GLT1D1: variants seen among roughly 807,000 people sequenced by gnomAD.
The protein encoded by GLT1D1 is glycosyltransferase 1 domain-containing protein 1.
In GLT1D1, 21 loss-of-function variants were observed where a neutral mutation model predicts 28.7. The observed-to-expected ratio is 0.73, with a 90% CI of 0.52 to 1.05. GLT1D1 has a LOEUF of 1.05. Among genes scored for constraint, GLT1D1 ranks in the 50% least tolerant of loss-of-function variants. The pLI, the probability that GLT1D1 is intolerant of heterozygous loss-of-function variation, is 0.00. For missense variants in GLT1D1, 343 were observed against 330.6 expected (o/e 1.04, Z -0.29); for synonymous variants, 147 against 124.8 (o/e 1.18, Z -1.19).
chr12:128,928,912 G>A (rs997630355), intron 4 of GLT1D1, among the ~76,000 whole-genome samples: 6 of 152,048 alleles, frequency 3.9e-5, no homozygotes, highest in South Asian at 2.1e-4. Flanking sequence ...ATGAGCCACC[G>A]CACCCGGCCT....
At chr12:128,950,606 G>C (rs1213898828) in intron 6 of GLT1D1, among the ~76,000 whole-genome samples, 3 of 151,660 alleles carry the variant, frequency 2.0e-5, no homozygotes, top group Admixed American at 1.3e-4. Context: ...AGGTGATGGT[G>C]CCCCCCCCTC....
chr12:128,886,546 C>T (rs757805787), intron 2 of GLT1D1, among the ~76,000 whole-genome samples: 1 of 152,120 alleles, frequency 6.6e-6, no homozygotes, highest in East Asian at 1.9e-4. Context: ...TGGGGAGAAT[C>T]TGTTTTCTTG....
intron 7 of GLT1D1, among the ~76,000 whole-genome samples, chr12:128,966,684 G>A (rs368524375): frequency 2.0e-5 from 3 of 152,182 alleles, no homozygotes; most frequent in African/African-American, 2.4e-5. Context: ...ACAGGGTCCC[G>A]GGGTGGGGGT....
intron 4 of GLT1D1, among the ~76,000 whole-genome samples, chr12:128,918,544 A>G (rs560700626): frequency 9.9e-5 from 15 of 152,250 alleles, no homozygotes; most frequent in Admixed American, 6.5e-5. Flanking sequence ...TGTCAGTATT[A>G]AGTTCTATTG....
At chr12:128,875,053 A>G (rs1167704427) in intron 1 of GLT1D1, among the ~76,000 whole-genome samples, 6 of 119,774 alleles carry the variant, frequency 5.0e-5, no homozygotes, top group African/African-American at 2.1e-4. Flanking sequence ...AGACATAAAT[A>G]TTGTGTGTGT....
chr12:128,864,418 G>A (rs1389774763), intron 1 of GLT1D1, among the ~76,000 whole-genome samples: 3 of 152,020 alleles, frequency 2.0e-5, no homozygotes, highest in Non-Finnish European at 4.4e-5. Context: ...GCTGGTTAGC[G>A]AGGCTGGATG....
chr12:128,956,215 A>T (rs940763605), intron 6 of GLT1D1, among the ~76,000 whole-genome samples: 8 of 151,028 alleles, frequency 5.3e-5, no homozygotes, highest in Non-Finnish European at 1.2e-4. Flanking sequence ...TGAGTTAAAA[A>T]TGCGTTAAAT....
At chr12:128,915,674 C>G (rs916293604) in intron 4 of GLT1D1, among the ~76,000 whole-genome samples, 1 of 152,042 alleles carries the variant, frequency 6.6e-6, no homozygotes. Flanking sequence ...AAAAATGCAA[C>G]AAAAATTTTA....
intron 4 of GLT1D1, among the ~76,000 whole-genome samples, chr12:128,908,013 C>T (rs147976924): frequency 2.0e-5 from 3 of 152,216 alleles, no homozygotes; most frequent in African/African-American, 7.2e-5. Flanking sequence ...CTTGAGTCGC[C>T]CCAGTAGATG....
rs561857162 is a variant in GLT1D1 at position 128,981,188 on chromosome 12, T to C, written c.640-1741T>C. 3.2e-4 allele frequency among the ~76,000 whole-genome samples: 48 copies of C among 152,314 alleles called. 1 individual carries two copies. The South Asian group carries it at 9.9e-3, about 32-fold the overall frequency. The stretch of plus-strand genomic sequence containing the variant: ...GCTTACTCATAACCCCCCTCTCTCT[T>C]GCTTTATTTAAGTCTATGTTTTTTC... On this transcript the variant is annotated intron_variant, in intron 7 of 7. Coordinates refer to ENST00000281703, the MANE Select transcript of GLT1D1 (RefSeq NM_144669.3).
At chr12:128,957,433 G>A (rs1877415528) in intron 6 of GLT1D1, 112 bp from the exon 11 acceptor site, 2 of 650,804 alleles carry the variant, frequency 3.1e-6, no homozygotes, top group Non-Finnish European at 5.6e-6. Flanking sequence ...TTTTTGTGAG[G>A]TGCCAGAGGT....
chr12:128,952,980 C>T (rs564412036), intron 6 of GLT1D1, among the ~76,000 whole-genome samples: 2 of 152,092 alleles, frequency 1.3e-5, no homozygotes, highest in Admixed American at 1.3e-4. Context: ...CTGGGTTTCA[C>T]CATGTTGGCC....
At chr12:128,875,134 T>A (rs1956842117) in intron 1 of GLT1D1, among the ~76,000 whole-genome samples, 1 of 151,906 alleles carries the variant, frequency 6.6e-6, no homozygotes, top group Non-Finnish European at 1.5e-5. Flanking sequence ...TTTTTGAAGC[T>A]ATGATAATAG....
intron 1 of GLT1D1, among the ~76,000 whole-genome samples, chr12:128,875,404 C>T (rs60851322): frequency 0.11 from 16,546 of 152,154 alleles, 1,259 homozygotes; most frequent in African/African-American, 0.22. Flanking sequence ...AGATGAATGG[C>T]TAATGTCATT....
At chr12:128,955,317 TTC>T (rs775945355) in intron 6 of GLT1D1, among the ~76,000 whole-genome samples, 19 of 117,498 alleles carry the variant, frequency 1.6e-4, no homozygotes, top group Non-Finnish European at 3.3e-4. Context: ...TACAGTCTCT[TTC>T]TCTCTCTTTT....
At chr12:128,903,449 G>A (rs530573152) in intron 4 of GLT1D1, among the ~76,000 whole-genome samples, 2 of 151,882 alleles carry the variant, frequency 1.3e-5, no homozygotes, top group South Asian at 4.2e-4. Context: ...CATAATGAGA[G>A]GATCTTTAAT....
chr12:128,928,296 CTGGTGGCCGTGACTA>C (rs1318731899), intron 4 of GLT1D1, among the ~76,000 whole-genome samples: 2 of 152,036 alleles, frequency 1.3e-5, no homozygotes, highest in African/African-American at 4.8e-5. Flanking sequence ...GGGAGACGTT[CTGGTGGCCGTGACTA>C]TGGTGGCCGT....
intron 2 of GLT1D1, among the ~76,000 whole-genome samples, chr12:128,888,309 G>A (rs1211467809): frequency 6.6e-6 from 1 of 152,124 alleles, no homozygotes; most frequent in African/African-American, 2.4e-5. Context: ...TTTGATGATG[G>A]CAGATTAGCC....
rs1418735746 is a variant in GLT1D1 at position 128,977,071 on chromosome 12, G to A, written c.640-5858G>A. Reference sequence around the variant, plus strand: ...TGAGGCAGGTGAATCGCTTGACCCCGGGAGGCAGAGGTTGCAGTGAGCCGA... The same window carrying A: ...TGAGGCAGGTGAATCGCTTGACCCCAGGAGGCAGAGGTTGCAGTGAGCCGA... On this transcript the variant is annotated intron_variant, in intron 7 of 7. Transcript: ENST00000281703. Among the ~76,000 whole-genome samples the A allele has an allele frequency of 3.9e-5, 6 of 152,282 alleles. No homozygotes were observed. The East Asian group carries it at 1.2e-3, about 29-fold the overall frequency.
Sources: allele counts gnomAD v4.1 joint callset (sites outside exome capture counted in the v4.1 genomes callset), GRCh38; gene constraint gnomAD v4.1.1; transcripts MANE v1.5; gene names NCBI Gene and HGNC (gene_info 2026-07-23, HGNC 2026-07-21).